R3HCC1L: variants seen among roughly 807,000 people sequenced by gnomAD.
The protein encoded by R3HCC1L is coiled-coil domain-containing protein R3HCC1L.
R3HCC1L carries 51 observed loss-of-function variants against 59.9 expected under a neutral mutation model. The ratio of observed to expected loss-of-function variants is 0.85; its 90% CI spans 0.68 to 1.07. The LOEUF (loss-of-function observed/expected upper bound fraction) is 1.07. Among genes scored for constraint, R3HCC1L ranks in the 50% least tolerant of loss-of-function variants. The pLI is 0.00. For synonymous variants in R3HCC1L, 322 were observed against 315.2 expected (o/e 1.02, Z -0.23); for missense variants, 965 against 933.0 (o/e 1.03, Z -0.45).
chr10:98,178,204 C>T (rs1849239250), intron 4 of R3HCC1L, among the ~76,000 whole-genome samples: 3 of 152,126 alleles, frequency 2.0e-5, no homozygotes, highest in Non-Finnish European at 4.4e-5. Flanking sequence ...TTAGGTCTAA[C>T]ATTTAAGTCT....
At chr10:98,211,931 A>C (rs998836226) in intron 5 of R3HCC1L, among the ~76,000 whole-genome samples, 2 of 152,172 alleles carry the variant, frequency 1.3e-5, no homozygotes, top group African/African-American at 2.4e-5. Context: ...TAGTAACATA[A>C]AGAGGACATT....
intron 8 of R3HCC1L, among the ~76,000 whole-genome samples, 170 bp from the exon 9 acceptor site, chr10:98,235,854 G>A (rs1856880416): frequency 6.6e-6 from 1 of 152,168 alleles, no homozygotes; most frequent in African/African-American, 2.4e-5. Flanking sequence ...GGTTGTTTGT[G>A]CTTTGCCATG....
At chr10:98,180,410 T>G (rs1421957442) in intron 4 of R3HCC1L, among the ~76,000 whole-genome samples, 2 of 152,228 alleles carry the variant, frequency 1.3e-5, no homozygotes, top group African/African-American at 4.8e-5. Context: ...TTGATTGCAC[T>G]ATGGTCTGAG....
intron 2 of R3HCC1L, among the ~76,000 whole-genome samples, chr10:98,161,530 C>T (rs1212445567): frequency 6.6e-6 from 1 of 151,938 alleles, no homozygotes; most frequent in Non-Finnish European, 1.5e-5. Flanking sequence ...TTTGTTTTAT[C>T]TGAATTTTGG....
intron 4 of R3HCC1L, among the ~76,000 whole-genome samples, chr10:98,171,621 C>G (rs1848516621): frequency 6.6e-6 from 1 of 152,084 alleles, no homozygotes; most frequent in African/African-American, 2.4e-5. Context: ...CCAGGCCAAG[C>G]TGATTTCGGG....
chr10:98,170,965 C>A (rs1848455660), intron 4 of R3HCC1L, among the ~76,000 whole-genome samples: 1 of 152,186 alleles, frequency 6.6e-6, no homozygotes, highest in African/African-American at 2.4e-5. Flanking sequence ...TAGTGAATAG[C>A]TTTCAGATGA....
At chr10:98,230,447 T>G (rs1856236299) in intron 5 of R3HCC1L, among the ~76,000 whole-genome samples, 1 of 152,210 alleles carries the variant, frequency 6.6e-6, no homozygotes, top group African/African-American at 2.4e-5. Flanking sequence ...TCATTTTTTT[T>G]GCGTCTATTT....
chr10:98,142,280 TAAAC>T (rs1395906047), intron 1 of R3HCC1L, among the ~76,000 whole-genome samples: 5 of 152,188 alleles, frequency 3.3e-5, no homozygotes, highest in African/African-American at 9.7e-5. Flanking sequence ...AATCAGGAAA[TAAAC>T]AAAATCAACT....
intron 1 of R3HCC1L, among the ~76,000 whole-genome samples, chr10:98,151,388 T>G (rs781617683): frequency 1.3e-5 from 2 of 152,190 alleles, no homozygotes; most frequent in African/African-American, 2.4e-5. Flanking sequence ...GTGGTGATAA[T>G]ACTCTACTTT....
chr10:98,173,117 G>A (rs1190417079), intron 4 of R3HCC1L, among the ~76,000 whole-genome samples: 2 of 152,044 alleles, frequency 1.3e-5, no homozygotes, highest in Non-Finnish European at 2.9e-5. Flanking sequence ...CTCTTTGGTG[G>A]TGCTAATATG....
At position 98,220,386 on chromosome 10, in the gene R3HCC1L, CTT is replaced by C. The variant is rs143442343; in HGVS notation, c.1785+10500_1785+10501del. On this transcript the variant is annotated intron_variant, in intron 5 of 9. Transcript: ENST00000298999. ...TTTCTTTTTCTTTTTTTTTTCCCAT[CTT>C]TTTTTTTTTTTTATACTCTAAGTTT... 3.8e-3 allele frequency among the ~76,000 whole-genome samples: 485 copies of C among 128,008 alleles called. 5 individuals carry two copies. Among genetic ancestry groups the C allele is most frequent in the African/African-American group, 0.013 (462 of 34,916 alleles). The allele number at this position is 128,008 out of a possible 152,430, so 84.0% of individuals were successfully genotyped here. A position where few individuals can be genotyped will look rare whatever the true frequency, so the allele number is the denominator to read the frequency against.
intron 1 of R3HCC1L, among the ~76,000 whole-genome samples, chr10:98,151,712 CATAGTAA>C (rs1331043672): frequency 6.6e-6 from 1 of 151,974 alleles, no homozygotes. Context: ...AGGGAATACC[CATAGTAA>C]GGGTGCAGGA....
chr10:98,164,430 A>G (rs994379161), intron 4 of R3HCC1L, among the ~76,000 whole-genome samples: 1 of 152,126 alleles, frequency 6.6e-6, no homozygotes, highest in Non-Finnish European at 1.5e-5. Context: ...GTATTTCTGG[A>G]TGTTTTGCAT....
At position 98,139,656 on chromosome 10, in the gene R3HCC1L, A is replaced by G. The variant is rs76764994; in HGVS notation, c.-268+4950A>G. ...AGTTGTCAAAGCATTAGATAGAGGA[A>G]AAGTTATAGGGTGTTACTTAGCAGC... On this transcript the variant is annotated intron_variant, in intron 1 of 9. Coordinates refer to ENST00000298999, the MANE Select transcript of R3HCC1L (RefSeq NM_001351015.2). 2.8e-3 allele frequency among the ~76,000 whole-genome samples: 423 copies of G among 152,230 alleles called. 2 individuals carry two copies. The highest frequency in any genetic ancestry group is 0.01 in the Middle Eastern group (3 of 294).
chr10:98,161,980 T>C (rs1471286394), intron 2 of R3HCC1L, among the ~76,000 whole-genome samples: 1 of 152,200 alleles, frequency 6.6e-6, no homozygotes, highest in African/African-American at 2.4e-5. Flanking sequence ...TTTAATGCTG[T>C]TGTTTTGTGC....
chr10:98,208,879 A>T lies in R3HCC1L; in HGVS notation c.765A>T (p.Gly255=). The change falls in exon 5 of 10, where the codon GGA becomes GGT. Residue 255 remains glycine (G), a synonymous_variant. Transcript: ENST00000298999. The part of the protein sequence containing the change: ...IVQQSMQTSD[G]ILNPSSGGIT... ...AACAAAGCATGCAAACATCAGATGG[A>T]ATATTGAATCCCAGCAGCGGAGGCA... The T allele has an allele frequency of 6.2e-7, 1 of 1,614,158 alleles. No individual in the cohort carries two copies. The highest frequency in any genetic ancestry group is 8.5e-7 in the Non-Finnish European group (1 of 1,180,006).
chr10:98,165,736 T>C (rs1010368695), intron 4 of R3HCC1L, among the ~76,000 whole-genome samples: 1 of 152,252 alleles, frequency 6.6e-6, no homozygotes, highest in Non-Finnish European at 1.5e-5. Flanking sequence ...CAGACTAATA[T>C]TGGGGACTGA....
At chr10:98,141,331 G>GA (rs1287609284) in intron 1 of R3HCC1L, among the ~76,000 whole-genome samples, 2 of 152,198 alleles carry the variant, frequency 1.3e-5, no homozygotes, top group African/African-American at 4.8e-5. Flanking sequence ...CTCCTAAGTA[G>GA]AAACTGTCTT....
intron 5 of R3HCC1L, among the ~76,000 whole-genome samples, chr10:98,218,449 T>A (rs1467212563): frequency 6.6e-6 from 1 of 152,192 alleles, no homozygotes; most frequent in Non-Finnish European, 1.5e-5. Flanking sequence ...CCATGGTTAG[T>A]CTAGCTGGTG....
Sources: gnomAD v4.1 joint callset for allele counts (sites outside exome capture counted in the v4.1 genomes callset) on GRCh38, gnomAD v4.1.1 for gene constraint, MANE v1.5 for transcripts, NCBI Gene and HGNC (gene_info 2026-07-23, HGNC 2026-07-21) for gene names.